Variants in CHD9 observed in about 807,000 individuals in gnomAD.
The protein encoded by CHD9 is chromodomain helicase DNA binding protein 9.
Under a neutral mutation model 316.1 loss-of-function variants are expected in CHD9, and 77 were observed. That is an observed-to-expected ratio of 0.24 (90% CI 0.20 to 0.29). The LOEUF (loss-of-function observed/expected upper bound fraction) is 0.29. CHD9 is among the 10% of genes least tolerant of loss of function. CHD9 has a pLI of 1.00. For missense variants in CHD9, 2,763 were observed against 3,438.1 expected (o/e 0.80, Z 4.91); for synonymous variants, 1,129 against 1,158.3 (o/e 0.97, Z 0.51).
chr16:53,308,068 T>C, intron 33 of CHD9, 115 bp downstream of exon 33: 5 of 873,024 alleles, frequency 5.7e-6, no homozygotes, highest in Non-Finnish European at 5.1e-6. Flanking sequence ...TGTTTCTTGG[T>C]ATTTGGATTA....
In CHD9 at chr16:53,209,742, A is replaced by G. The variant is rs1409069738; in HGVS notation, c.1713A>G (p.Lys571=). ...AGGAAAAGAAAGGTAGAAGGATGAA[A>G]TCCAAGCCAAAGGACAAAGACAGCA... is the stretch of plus-strand genomic sequence containing the variant. ...GKEEKKGRRM[K]SKPKDKDSKK... The change falls in exon 3 of 39, where the codon AAA becomes AAG. Residue 571 remains lysine, a synonymous_variant. Coordinates refer to ENST00000447540, the MANE Select transcript of CHD9 (RefSeq NM_001308319.2). The G allele has an allele frequency of 6.2e-7, 1 of 1,613,656 alleles. No individual in the cohort carries two copies. The highest frequency in any genetic ancestry group is 1.3e-5 in the African/African-American group (1 of 75,046).
At chr16:53,201,125 T>A (rs1205680660) in intron 2 of CHD9, among the ~76,000 whole-genome samples, 2 of 152,218 alleles carry the variant, frequency 1.3e-5, no homozygotes, top group Non-Finnish European at 2.9e-5. Context: ...CACAATGTTA[T>A]GCTGAGAATA....
chr16:53,222,140 G>A (rs960537422), intron 3 of CHD9, among the ~76,000 whole-genome samples: 8 of 151,992 alleles, frequency 5.3e-5, no homozygotes, highest in East Asian at 1.9e-4. Flanking sequence ...GCAATGGTGC[G>A]GTCTTGGCTC....
chr16:53,268,494 C>G (rs1434131295), intron 22 of CHD9, among the ~76,000 whole-genome samples: 1 of 152,086 alleles, frequency 6.6e-6, no homozygotes, highest in Non-Finnish European at 1.5e-5. Flanking sequence ...CAATTTTAGA[C>G]AATTAAAAAA....
intron 13 of CHD9, among the ~76,000 whole-genome samples, chr16:53,244,381 A>G (rs2049379431): frequency 1.3e-5 from 2 of 151,830 alleles, no homozygotes; most frequent in South Asian, 2.1e-4. Context: ...TTTAGTAGAG[A>G]TGGGGTTTCT....
At chr16:53,295,838 T>C (rs930863518) in intron 29 of CHD9, among the ~76,000 whole-genome samples, 1 of 152,230 alleles carries the variant, frequency 6.6e-6, no homozygotes, top group Admixed American at 6.5e-5. Context: ...GACAGGGTTC[T>C]ACACCTGCAC....
chr16:53,277,681 T>C (rs887596352), intron 24 of CHD9, among the ~76,000 whole-genome samples: 2 of 152,096 alleles, frequency 1.3e-5, no homozygotes, highest in Non-Finnish European at 2.9e-5. Flanking sequence ...GTTGAAAATA[T>C]TCCCTCTGAA....
At chr16:53,280,054 C>T (rs936331426) in intron 24 of CHD9, among the ~76,000 whole-genome samples, 8 of 152,152 alleles carry the variant, frequency 5.3e-5, no homozygotes, top group Admixed American at 1.3e-4. Context: ...GTGAACAAAA[C>T]ACTTCTACAC....
chr16:53,314,383 C>T lies in CHD9; in HGVS notation c.7229C>T (p.Ser2410Phe), dbSNP rs775127022. 1 of 1,564,318 alleles carries T rather than the reference C, an allele frequency of 6.4e-7. No individual in the cohort carries two copies. ...GCATTTTTAATTCAATTAGGTACTT[C>T]CATTCAACCAACCCTTGGTGCCAAT... ...FPKSIPVSGT[S>F]IQPTLGANGV... The change falls in exon 35 of 39, where the codon TCC (serine) becomes TTC (phenylalanine). Residue 2410 changes from serine (S) to phenylalanine (F), a missense_variant. Ser to Phe is a radical substitution (Grantham distance 155). Transcript: ENST00000447540.
At chr16:53,322,832 G>A (rs979013971) in intron 38 of CHD9, among the ~76,000 whole-genome samples, 1 of 152,038 alleles carries the variant, frequency 6.6e-6, no homozygotes, top group African/African-American at 2.4e-5. Flanking sequence ...TATAGAATGT[G>A]TATAATTGCA....
intron 2 of CHD9, among the ~76,000 whole-genome samples, chr16:53,184,761 G>C (rs1046077095): frequency 6.6e-6 from 1 of 152,248 alleles, no homozygotes; most frequent in African/African-American, 2.4e-5. Flanking sequence ...CCCACCTGTC[G>C]TGAGAGGGAC....
chr16:53,063,844 T>G (rs8062755), intron 1 of CHD9, among the ~76,000 whole-genome samples: 40,015 of 149,584 alleles, frequency 0.27, 6,518 homozygotes, highest in Non-Finnish European at 0.38. Flanking sequence ...TTTTTTTTTT[T>G]TTTTAAGAAA....
intron 1 of CHD9, among the ~76,000 whole-genome samples, chr16:53,075,423 G>T (rs1435848060): frequency 6.6e-6 from 1 of 152,054 alleles, no homozygotes; most frequent in Non-Finnish European, 1.5e-5. Flanking sequence ...GATTTGGAGG[G>T]GCCAGGGGCG....
intron 1 of CHD9, among the ~76,000 whole-genome samples, chr16:53,058,393 A>C (rs2032427075): frequency 6.6e-6 from 1 of 152,230 alleles, no homozygotes; most frequent in South Asian, 2.1e-4. Flanking sequence ...TGCTAGGATT[A>C]CAGGCTCAAG....
intron 19 of CHD9, 85 bp downstream of exon 19, chr16:53,255,864 T>C (rs1007981241): frequency 4.0e-6 from 5 of 1,247,162 alleles, no homozygotes; most frequent in Non-Finnish European, 4.5e-6. Flanking sequence ...TTATACCGAA[T>C]GTTTAAACAT....
chr16:53,286,193 C>A, intron 25 of CHD9, 33 bp from the exon 26 acceptor site: 2 of 1,290,534 alleles, frequency 1.5e-6, no homozygotes, highest in Non-Finnish European at 1.1e-6. Context: ...TTCTTTTTAT[C>A]TTTTTTACTT....
intron 1 of CHD9, among the ~76,000 whole-genome samples, chr16:53,128,292 C>T (rs1005792834): frequency 1.3e-5 from 2 of 152,166 alleles, no homozygotes; most frequent in African/African-American, 4.8e-5. Flanking sequence ...AAGCGATTCT[C>T]CTGCCTCAGC....
chr16:53,208,451 G>A lies in CHD9; in HGVS notation c.1453-1031G>A, dbSNP rs1278338323. On this transcript the variant is annotated intron_variant, in intron 2 of 38. Coordinates refer to ENST00000447540, the MANE Select transcript of CHD9 (RefSeq NM_001308319.2). The stretch of plus-strand genomic sequence containing the variant: ...ATTACTGGCTGCTGCTACGGGAGTC[G>A]TACTGCATCGCCATCTTGAGCTTGT... The A allele has an allele frequency of 7.9e-5, 94 of 1,194,700 alleles. No homozygotes were observed. In the South Asian group the frequency reaches 9.8e-4, roughly 12 times the overall value. The allele number at this position is 1,194,700 out of a possible 1,614,324, so 74.0% of individuals were successfully genotyped here.
At chr16:53,305,489 TAGAAA>T (rs2055875736) in intron 31 of CHD9, among the ~76,000 whole-genome samples, 2 of 152,240 alleles carry the variant, frequency 1.3e-5, no homozygotes, top group East Asian at 3.8e-4. Context: ...GCAATTGAAT[TAGAAA>T]TTTTACACAG....
Sources: gnomAD v4.1 joint callset for allele counts (sites outside exome capture counted in the v4.1 genomes callset) on GRCh38, gnomAD v4.1.1 for gene constraint, MANE v1.5 for transcripts, NCBI Gene and HGNC (gene_info 2026-07-23, HGNC 2026-07-21) for gene names.